Variants in PDE4C observed in about 807,000 individuals in gnomAD.
PDE4C encodes the protein phosphodiesterase 4C, also known as 3',5'-cyclic-AMP phosphodiesterase 4C.
Under a neutral mutation model 63.9 loss-of-function variants are expected in PDE4C, and 50 were observed. The observed-to-expected ratio is 0.78, with a 90% CI of 0.62 to 0.99. The LOEUF is 0.99. Among genes scored for constraint, PDE4C ranks in the 50% least tolerant of loss-of-function variants. PDE4C has a pLI of 0.00. For synonymous variants in PDE4C, 377 were observed against 385.1 expected (o/e 0.98, Z 0.25); for missense variants, 777 against 899.1 (o/e 0.86, Z 1.74).
intron 1 of PDE4C, among the ~76,000 whole-genome samples, chr19:18,245,502 A>G (rs534888177): frequency 6.6e-6 from 1 of 152,168 alleles, no homozygotes; most frequent in South Asian, 2.1e-4. Context: ...GGGCCTTTGC[A>G]TGTGCTGTGC....
chr19:18,228,934 ATAT>A (rs1231822067), upstream of PDE4C, among the ~76,000 whole-genome samples: 1 of 151,620 alleles, frequency 6.6e-6, no homozygotes, highest in African/African-American at 2.4e-5. Flanking sequence ...TTTTATTTAC[ATAT>A]TATTATTATT....
intron 1 of PDE4C, among the ~76,000 whole-genome samples, chr19:18,247,749 G>T (rs537907984): frequency 6.6e-6 from 1 of 152,192 alleles, no homozygotes; most frequent in South Asian, 2.1e-4. Flanking sequence ...AAATGGTTCT[G>T]AGACCTCCAG....
upstream of PDE4C, chr19:18,250,040 G>T: frequency 2.5e-6 from 1 of 398,620 alleles, no homozygotes; most frequent in South Asian, 1.3e-4. Flanking sequence ...GGCCTTGGAT[G>T]AATGGTAGGG....
intron 1 of PDE4C, 29 bp from the exon 2 acceptor site, chr19:18,222,352 C>G (rs1424880063): frequency 6.3e-7 from 1 of 1,590,700 alleles, no homozygotes; most frequent in African/African-American, 1.3e-5. Context: ...TGGTCAGAGA[C>G]GAGGGTCATG....
At chr19:18,233,298 G>A (rs1246168945) in exon 1 of PDE4C, 7 of 1,468,664 alleles carry the variant, frequency 4.8e-6, no homozygotes, top group Non-Finnish European at 6.5e-6. Flanking sequence ...GAGTGGAGGC[G>A]ACAGCGAGGA....
chr19:18,251,553 G>A (rs1156993600), upstream of PDE4C, among the ~76,000 whole-genome samples: 1 of 151,838 alleles, frequency 6.6e-6, no homozygotes, highest in Non-Finnish European at 1.5e-5. Flanking sequence ...TCCTGCCTCA[G>A]CCTCCCGAGT....
At chr19:18,222,052 T>C in intron 2 of PDE4C, 80 bp downstream of exon 2, 1 of 1,258,212 alleles carries the variant, frequency 7.9e-7, no homozygotes, top group Non-Finnish European at 1.1e-6. Context: ...TAAATGGCTA[T>C]TTGAAGGAGC....
chr19:18,219,572 C>G, intron 7 of PDE4C, 175 bp from the exon 8 acceptor site: 1 of 678,374 alleles, frequency 1.5e-6, no homozygotes, highest in Non-Finnish European at 2.4e-6. Context: ...GCCTGTAATC[C>G]CAGTGCTTTG....
upstream of PDE4C, among the ~76,000 whole-genome samples, chr19:18,234,929 G>A (rs1216212664): frequency 1.3e-5 from 2 of 152,168 alleles, no homozygotes; most frequent in Non-Finnish European, 2.9e-5. Flanking sequence ...AGAACTGACT[G>A]TGGGAGACAA....
chr19:18,223,428 T>C (rs907284258), intron 1 of PDE4C, among the ~76,000 whole-genome samples: 10 of 152,130 alleles, frequency 6.6e-5, no homozygotes, highest in South Asian at 4.1e-4. Context: ...CAGGCTGGTC[T>C]TGAACTCCCG....
chr19:18,250,433 G>T, upstream of PDE4C: 1 of 399,098 alleles, frequency 2.5e-6, no homozygotes, highest in Non-Finnish European at 4.4e-6. Flanking sequence ...CACCACACTC[G>T]GGTTCCTGTG....
chr19:18,227,905 C>G (rs185558882), upstream of PDE4C, among the ~76,000 whole-genome samples: 1 of 152,254 alleles, frequency 6.6e-6, no homozygotes, highest in East Asian at 1.9e-4. Flanking sequence ...GAGAGTCTCC[C>G]CATTCTACAG....
upstream of PDE4C, among the ~76,000 whole-genome samples, chr19:18,226,970 C>T (rs539782601): frequency 3.3e-5 from 5 of 152,192 alleles, no homozygotes; most frequent in African/African-American, 9.6e-5. Flanking sequence ...CAGCCTTCCT[C>T]GGCACGTCCC....
intron 14 of PDE4C, among the ~76,000 whole-genome samples, chr19:18,211,505 T>C (rs906558123): frequency 7.2e-5 from 11 of 152,160 alleles, no homozygotes; most frequent in Admixed American, 3.9e-4. Flanking sequence ...TGAATGTACG[T>C]GTCCCCCAGA....
upstream of PDE4C, among the ~76,000 whole-genome samples, chr19:18,251,133 T>C (rs1431176353): frequency 2.7e-5 from 4 of 150,558 alleles, no homozygotes; most frequent in Non-Finnish European, 4.4e-5. Flanking sequence ...AGAGTCTTTT[T>C]TTTCCCCCCC....
At chr19:18,224,526 G>C (rs1600088242) in intron 1 of PDE4C, 3 of 985,258 alleles carry the variant, frequency 3.0e-6, no homozygotes, top group Admixed American at 6.1e-5. Context: ...TGTTCGATGA[G>C]TTCGGGAGAA....
upstream of PDE4C, among the ~76,000 whole-genome samples, chr19:18,248,649 C>T (rs1969179862): frequency 6.6e-6 from 1 of 152,004 alleles, no homozygotes; most frequent in African/African-American, 2.4e-5. Context: ...CAAGCAGAGC[C>T]CATGGGGTGT....
chr19:18,229,397 C>T (rs942944286), upstream of PDE4C, among the ~76,000 whole-genome samples: 3 of 152,010 alleles, frequency 2.0e-5, no homozygotes, highest in Non-Finnish European at 2.9e-5. Flanking sequence ...TCTGCCACCA[C>T]GCCCAACTAA....
At chr19:18,214,572 G>A (rs1968107940) in intron 12 of PDE4C, among the ~76,000 whole-genome samples, 1 of 152,074 alleles carries the variant, frequency 6.6e-6, no homozygotes, top group South Asian at 2.1e-4. Context: ...ACTGTGGGGA[G>A]GGATGTGACT....
Sources: allele counts gnomAD v4.1 joint callset (sites outside exome capture counted in the v4.1 genomes callset), GRCh38; gene constraint gnomAD v4.1.1; transcripts MANE v1.5; gene names NCBI Gene and HGNC (gene_info 2026-07-23, HGNC 2026-07-21).